NBAS: variants seen among roughly 807,000 people sequenced by gnomAD.
NBAS encodes NAG/BC035112 fusion.
Under a neutral mutation model 302.5 loss-of-function variants are expected in NBAS, and 219 were observed. The observed-to-expected ratio is 0.72, with a 90% CI of 0.65 to 0.81. NBAS has a LOEUF of 0.81. Among genes scored for constraint, NBAS ranks in the 30% least tolerant of loss-of-function variants. The pLI is 0.00. For synonymous variants in NBAS, 1,118 were observed against 1,021.6 expected, an observed-to-expected ratio of 1.09 and a Z score of -1.80; for missense variants, 2,932 against 2,841.6, an observed-to-expected ratio of 1.03 and a Z score of -0.72.
intron 8 of NBAS, among the ~76,000 whole-genome samples, chr2:15,535,551 T>TAAATAAATAAATAAATAAATAAAC (rs1553334457): frequency 3.2e-4 from 47 of 147,852 alleles, no homozygotes; most frequent in African/African-American, 1.1e-3. Context: ...AATAAATAAA[T>TAAATAAATAAATAAATAAATAAAC]AAATAAATAA....
chr2:15,406,370 T>C (rs964278557), intron 25 of NBAS, among the ~76,000 whole-genome samples: 1 of 152,092 alleles, frequency 6.6e-6, no homozygotes, highest in Non-Finnish European at 1.5e-5. Flanking sequence ...CGTGGTCATT[T>C]GGGAAAATAA....
the NBAS span, among the ~76,000 whole-genome samples, chr2:15,153,657 G>T: frequency 6.6e-6 from 1 of 152,194 alleles, no homozygotes; most frequent in East Asian, 1.9e-4. Flanking sequence ...AGGGGCATAG[G>T]CTCTAAAATC....
chr2:15,177,424 C>G (rs1664599210), intron 51 of NBAS, among the ~76,000 whole-genome samples: 1 of 152,134 alleles, frequency 6.6e-6, no homozygotes, highest in African/African-American at 2.4e-5. Context: ...ACCGCCTGTG[C>G]TAGTTGCAGT....
At chr2:14,915,991 C>T in the NBAS span, among the ~76,000 whole-genome samples, 1 of 152,148 alleles carries the variant, frequency 6.6e-6, no homozygotes. Context: ...CATGGAACTG[C>T]AAGTCCAATA....
intron 6 of NBAS, among the ~76,000 whole-genome samples, chr2:15,550,837 T>C (rs1300957200): frequency 2.0e-5 from 3 of 152,138 alleles, no homozygotes; most frequent in African/African-American, 7.2e-5. Flanking sequence ...TCCGCCCACC[T>C]CGGCCTCCCA....
At chr2:15,447,910 G>A (rs1678825887) in intron 21 of NBAS, among the ~76,000 whole-genome samples, 2 of 152,242 alleles carry the variant, frequency 1.3e-5, no homozygotes, top group South Asian at 4.1e-4. Context: ...TTGGTTTCTG[G>A]TGAGGGCCCA....
At position 15,491,742 on chromosome 2, in the gene NBAS, GA is replaced by G. The variant is rs1314925793; in HGVS notation, c.955-2721del. Among the ~76,000 whole-genome samples, 561 of 122,654 alleles carry G rather than the reference GA, an allele frequency of 4.6e-3. 1 individual carries two copies. Among genetic ancestry groups the G allele is most frequent in the African/African-American group, 0.014 (461 of 33,404 alleles). The allele number at this position is 122,654 out of a possible 152,430, so 80.5% of individuals were successfully genotyped here. A position where few individuals can be genotyped will look rare whatever the true frequency, so the allele number is the denominator to read the frequency against. ...CAGAGTGAGACTCCATCTCAAAAAA[GA>G]AAAAAAAAAAAGAAAAAGAAAAATA... On this transcript the variant is annotated intron_variant, in intron 11 of 51. Transcript: ENST00000281513.
At chr2:15,383,447 A>G (rs149481490) in intron 28 of NBAS, 130 bp from the exon 29 acceptor site, 2 of 727,842 alleles carry the variant, frequency 2.7e-6, no homozygotes, top group East Asian at 5.3e-5. Flanking sequence ...CTCTCAAATG[A>G]TCAAAAAGAA....
Position 15,411,506 on chromosome 2 carries a change from C to T in NBAS, c.2937+4040G>A, listed in dbSNP as rs1004943135. Among the ~76,000 whole-genome samples, 5 of 152,100 alleles carry T rather than the reference C, an allele frequency of 3.3e-5. No individual in the cohort carries two copies. In the South Asian group the frequency reaches 1.0e-3, roughly 32 times the overall value. On this transcript the variant is annotated intron_variant, in intron 25 of 51. Coordinates refer to ENST00000281513, the MANE Select transcript of NBAS (RefSeq NM_015909.4). Reference sequence around the variant, plus strand: ...TTAGAATTTCTAGTCAATGATATTGCCAGCTACAAAAATTTATATTCATCT... The same window carrying T: ...TTAGAATTTCTAGTCAATGATATTGTCAGCTACAAAAATTTATATTCATCT...
the NBAS span, among the ~76,000 whole-genome samples, chr2:14,961,423 C>T: frequency 6.6e-6 from 1 of 151,860 alleles, no homozygotes; most frequent in South Asian, 2.1e-4. Context: ...CCCACAAGAG[C>T]TGATTTTTTT....
chr2:14,994,523 G>C, the NBAS span, among the ~76,000 whole-genome samples: 1 of 152,120 alleles, frequency 6.6e-6, no homozygotes, highest in Non-Finnish European at 1.5e-5. Flanking sequence ...GATTCCAGAT[G>C]CACCCTCCTA....
chr2:15,262,439 A>C (rs974218132), intron 44 of NBAS, among the ~76,000 whole-genome samples: 1 of 152,076 alleles, frequency 6.6e-6, no homozygotes, highest in African/African-American at 2.4e-5. Context: ...GTCTAAAAAC[A>C]CTCTAAAACT....
At chr2:15,553,765 CCTCCCTCCCTCTTTCTCTCT>C (rs1664494883) in intron 4 of NBAS, among the ~76,000 whole-genome samples, 1 of 132,690 alleles carries the variant, frequency 7.5e-6, no homozygotes, top group Non-Finnish European at 1.6e-5. Flanking sequence ...CTTCTCTTTA[CCTCCCTCCCTCTTTCTCTCT>C]CTCCCTCCCT....
At chr2:15,055,450 A>T in the NBAS span, among the ~76,000 whole-genome samples, 1 of 152,110 alleles carries the variant, frequency 6.6e-6, no homozygotes, top group South Asian at 2.1e-4. Flanking sequence ...TGAATAATCC[A>T]GTCCTAAAGC....
intron 44 of NBAS, among the ~76,000 whole-genome samples, chr2:15,249,951 GA>G (rs1668285167): frequency 6.6e-6 from 1 of 152,018 alleles, no homozygotes; most frequent in Non-Finnish European, 1.5e-5. Context: ...CACAGAAGTG[GA>G]AAAAAACTAC....
At chr2:14,877,653 T>C in the NBAS span, among the ~76,000 whole-genome samples, 1 of 152,102 alleles carries the variant, frequency 6.6e-6, no homozygotes, top group Non-Finnish European at 1.5e-5. Context: ...TTTTAATGCA[T>C]TCGCTCAAAT....
the NBAS span, among the ~76,000 whole-genome samples, chr2:15,100,961 T>A: frequency 1.3e-5 from 2 of 152,338 alleles, no homozygotes; most frequent in Non-Finnish European, 2.9e-5. Flanking sequence ...TATCTTCCAA[T>A]TAGTTTGCAA....
At chr2:15,209,713 A>G (rs1666318404) in intron 48 of NBAS, among the ~76,000 whole-genome samples, 1 of 152,164 alleles carries the variant, frequency 6.6e-6, no homozygotes, top group African/African-American at 2.4e-5. Flanking sequence ...ATATTACCTG[A>G]CTTCATATTA....
the NBAS span, among the ~76,000 whole-genome samples, chr2:14,806,535 T>C: frequency 6.6e-6 from 1 of 152,222 alleles, no homozygotes; most frequent in Non-Finnish European, 1.5e-5. Flanking sequence ...CTATTTATGC[T>C]CTGGACACAC....
Sources: gnomAD v4.1 joint callset for allele counts (sites outside exome capture counted in the v4.1 genomes callset) on GRCh38, gnomAD v4.1.1 for gene constraint, MANE v1.5 for transcripts, NCBI Gene and HGNC (gene_info 2026-07-23, HGNC 2026-07-21) for gene names.